RALGPS1: variants seen among roughly 807,000 people sequenced by gnomAD.
The protein encoded by RALGPS1 is Ral GEF with PH domain and SH3 binding motif 1.
RALGPS1 carries 19 observed loss-of-function variants against 78.8 expected under a neutral mutation model. The observed-to-expected ratio is 0.24, with a 90% CI of 0.17 to 0.35. The LOEUF (loss-of-function observed/expected upper bound fraction) is 0.35. Among genes scored for constraint, RALGPS1 ranks in the 10% least tolerant of loss-of-function variants. The pLI is 1.00. For missense variants in RALGPS1, 454 were observed against 688.3 expected (o/e 0.66, Z 3.81); for synonymous variants, 228 against 256.3 (o/e 0.89, Z 1.06).
intron 1 of RALGPS1, among the ~76,000 whole-genome samples, chr9:126,922,780 C>T (rs540256560): frequency 5.9e-5 from 9 of 152,322 alleles, no homozygotes; most frequent in Admixed American, 2.0e-4. Context: ...CACATTTGTT[C>T]TTGCGTATTC....
At chr9:127,202,056 A>G (rs2061664926) in intron 14 of RALGPS1, among the ~76,000 whole-genome samples, 1 of 152,172 alleles carries the variant, frequency 6.6e-6, no homozygotes, top group African/African-American at 2.4e-5. Context: ...TCTGAAGCGC[A>G]GGGGCCACAC....
chr9:127,063,346 C>T (rs905350468), intron 7 of RALGPS1, among the ~76,000 whole-genome samples: 18 of 152,270 alleles, frequency 1.2e-4, no homozygotes, highest in African/African-American at 4.3e-4. Flanking sequence ...GGCTTTTGAC[C>T]TCGTGGTTTG....
At chr9:126,983,251 C>T (rs947665755) in intron 4 of RALGPS1, among the ~76,000 whole-genome samples, 1 of 151,086 alleles carries the variant, frequency 6.6e-6, no homozygotes, top group Non-Finnish European at 1.5e-5. Flanking sequence ...TCTTTTTAAA[C>T]ATTTCTTATT....
At chr9:126,939,788 GC>G (rs2036586765) in intron 1 of RALGPS1, among the ~76,000 whole-genome samples, 2 of 152,358 alleles carry the variant, frequency 1.3e-5, no homozygotes, top group South Asian at 4.1e-4. Flanking sequence ...GCAGGGAGCA[GC>G]CGCATTGGCA....
chr9:127,089,451 C>G (rs968037077), intron 8 of RALGPS1, among the ~76,000 whole-genome samples: 1 of 152,182 alleles, frequency 6.6e-6, no homozygotes, highest in African/African-American at 2.4e-5. Context: ...AATGAGGATG[C>G]GTACTTGACA....
chr9:127,219,477 CT>C lies in RALGPS1; in HGVS notation c.*710del, dbSNP rs1442587128. The C allele has an allele frequency of 6.5e-6, 1 of 152,710 alleles. No individual in the cohort carries two copies. Among genetic ancestry groups the C allele is most frequent in the East Asian group, 1.9e-4 (1 of 5,204 alleles). 9.5% of individuals were successfully genotyped at this position (152,710 alleles called of 1,614,324 possible). On this transcript the variant is annotated 3_prime_UTR_variant, in exon 19 of 19. Transcript: ENST00000259351. This position sits in a 1 kb window ranked among gnomAD's most constrained non-coding sequence, Gnocchi z 5.0. Reference sequence around the variant, plus strand: ...AAACAAACAATGCCTTAAATTGTGTCTTGTTTTCTGTTCCTATGGGTGCTAT... The same window carrying C: ...AAACAAACAATGCCTTAAATTGTGTCTGTTTTCTGTTCCTATGGGTGCTAT...
intron 8 of RALGPS1, chr9:127,108,386 T>C (rs899565923): frequency 1.2e-6 from 2 of 1,609,432 alleles, no homozygotes; most frequent in Non-Finnish European, 1.7e-6. Context: ...TCGCTCACAA[T>C]GCCGCCGTCC....
At chr9:127,121,839 C>T (rs1318118944) in intron 8 of RALGPS1, among the ~76,000 whole-genome samples, 1 of 152,190 alleles carries the variant, frequency 6.6e-6, no homozygotes, top group Admixed American at 6.5e-5. Context: ...CAGGGGCTCC[C>T]AGCGCCTCAG....
At chr9:127,123,524 C>G (rs1426202935) in intron 8 of RALGPS1, among the ~76,000 whole-genome samples, 1 of 152,146 alleles carries the variant, frequency 6.6e-6, no homozygotes, top group Non-Finnish European at 1.5e-5. Flanking sequence ...ATGGGTGGAT[C>G]AAGGGTCTCC....
intron 10 of RALGPS1, among the ~76,000 whole-genome samples, chr9:127,171,694 G>T (rs2059574433): frequency 6.6e-6 from 1 of 152,232 alleles, no homozygotes; most frequent in Admixed American, 6.5e-5. Flanking sequence ...GGGAGGCAGA[G>T]GTTGCAGTGA....
intron 1 of RALGPS1, among the ~76,000 whole-genome samples, chr9:126,956,347 G>T (rs943966275): frequency 3.3e-5 from 5 of 152,090 alleles, no homozygotes; most frequent in Admixed American, 2.6e-4. Flanking sequence ...GATGGGTGGG[G>T]GTTTCTCTGA....
chr9:127,182,004 A>G (rs536227140), intron 11 of RALGPS1, among the ~76,000 whole-genome samples: 1 of 152,016 alleles, frequency 6.6e-6, no homozygotes, highest in South Asian at 2.1e-4. Flanking sequence ...CCATTCTGAA[A>G]ATATAAACGG....
chr9:127,101,884 A>G (rs1371694554), intron 8 of RALGPS1, among the ~76,000 whole-genome samples: 1 of 152,246 alleles, frequency 6.6e-6, no homozygotes, highest in African/African-American at 2.4e-5. Context: ...ACTGTATTCA[A>G]AAATATCAGG....
chr9:127,134,882 C>G lies in RALGPS1; in HGVS notation c.611-31187C>G, dbSNP rs562485403. Among the ~76,000 whole-genome samples the G allele has an allele frequency of 3.9e-5, 6 of 152,280 alleles. No homozygotes were observed. In the South Asian group the frequency reaches 1.2e-3, roughly 32 times the overall value. On this transcript the variant is annotated intron_variant, in intron 8 of 18. Coordinates refer to ENST00000259351, the MANE Select transcript of RALGPS1 (RefSeq NM_014636.3). ...AAAACCAAAGTAATGGTTCCCTGCC[C>G]AACACCCATGCTCAATTCCTTCTCC... is the stretch of plus-strand genomic sequence containing the variant.
Position 127,212,863 on chromosome 9 carries a change from C to T in RALGPS1, c.1447-81C>T. On this transcript the variant is annotated intron_variant, in intron 16 of 18. Transcript: ENST00000259351. The surrounding 1 kb of genome is among the most constrained non-coding windows in gnomAD (Gnocchi z 6.0). ...GGAAGGCGGCAGGGGAGGGAGGAAG[C>T]CTTGCCTGGCCCACGTCGGCCTCCC... is the stretch of plus-strand genomic sequence containing the variant. 1 of 1,599,062 alleles carries T rather than the reference C, an allele frequency of 6.3e-7. No homozygotes were observed. Among genetic ancestry groups the T allele is most frequent in the Admixed American group, 1.7e-5 (1 of 58,344 alleles).
intron 11 of RALGPS1, chr9:127,184,023 A>G: frequency 5.2e-6 from 8 of 1,549,070 alleles, no homozygotes; most frequent in Non-Finnish European, 4.4e-6. Context: ...TGGCCTAGGA[A>G]TCTAAGAAAT....
intron 8 of RALGPS1, chr9:127,108,536 T>A: frequency 6.2e-7 from 1 of 1,613,336 alleles, no homozygotes. Context: ...ATGGCACCCG[T>A]GACCCGCTGC....
At chr9:126,922,053 A>T (rs2034821846) in intron 1 of RALGPS1, among the ~76,000 whole-genome samples, 1 of 152,194 alleles carries the variant, frequency 6.6e-6, no homozygotes, top group Non-Finnish European at 1.5e-5. Flanking sequence ...TGCAGAGGCA[A>T]GCCTCAGCTC....
chr9:126,982,784 CTCTTCTTCTTCT>C (rs372888642), intron 4 of RALGPS1, among the ~76,000 whole-genome samples: 1 of 149,424 alleles, frequency 6.7e-6, no homozygotes, highest in African/African-American at 2.5e-5. Context: ...CTTCTTCTTC[CTCTTCTTCTTCT>C]TCTTCTTCCT....
Sources: gnomAD v4.1 joint callset for allele counts (sites outside exome capture counted in the v4.1 genomes callset) on GRCh38, gnomAD v4.1.1 for gene constraint, Gnocchi (gnomAD v3.1) non-coding constraint, MANE v1.5 for transcripts, NCBI Gene and HGNC (gene_info 2026-07-23, HGNC 2026-07-21) for gene names.